Variants in SAMHD1 observed in about 807,000 individuals in gnomAD.
SAMHD1 encodes the protein SAM and HD domain containing deoxynucleoside triphosphate triphosphohydrolase 1.
A neutral mutation model predicts 79.6 loss-of-function variants in SAMHD1; 54 were observed. The ratio of observed to expected loss-of-function variants is 0.68; its 90% CI spans 0.55 to 0.85. The LOEUF (loss-of-function observed/expected upper bound fraction) is 0.85. SAMHD1 is among the 40% of genes least tolerant of loss of function. The pLI is 0.00. For synonymous variants in SAMHD1, 260 were observed against 264.1 expected (o/e 0.98, Z 0.15); for missense variants, 663 against 782.7 (o/e 0.85, Z 1.82).
intron 7 of SAMHD1, 80 bp downstream of exon 7, chr20:36,919,284 A>G: frequency 7.2e-7 from 1 of 1,381,386 alleles, no homozygotes; most frequent in Non-Finnish European, 1.0e-6. Context: ...AAAATAGCCA[A>G]ATGTATAACT....
chr20:36,947,108 A>G (rs1478227215), intron 1 of SAMHD1: 4 of 310,212 alleles, frequency 1.3e-5, no homozygotes, highest in Non-Finnish European at 2.5e-5. Flanking sequence ...GGGTTTTGCC[A>G]GGTCAGCAGC....
rs114016687 is a variant in SAMHD1, at chr20:36,926,940, A to C, written c.696+242T>G. Reference sequence around the variant, plus strand: ...ACGGCTTTGTGATTTTTGATGCATCAATACACATCCAAGAGTTTCAAGTTC... The same window carrying C: ...ACGGCTTTGTGATTTTTGATGCATCCATACACATCCAAGAGTTTCAAGTTC... On this transcript the variant is annotated intron_variant, in intron 6 of 15. Coordinates refer to ENST00000646673, the MANE Select transcript of SAMHD1 (RefSeq NM_015474.4). 1.4e-3 allele frequency: 655 copies of C among 463,586 alleles called. 4 individuals carry two copies. Among genetic ancestry groups the C allele is most frequent in the African/African-American group, 0.012 (621 of 50,826 alleles). 28.7% of individuals were successfully genotyped at this position (463,586 alleles called of 1,614,324 possible).
chr20:36,897,652 C>T, intron 15 of SAMHD1, 170 bp downstream of exon 15: 1 of 732,666 alleles, frequency 1.4e-6, no homozygotes, highest in East Asian at 2.7e-5. Flanking sequence ...AAATCACTGG[C>T]TGACACAGAT....
At chr20:36,938,558 C>T (rs1324960143) in intron 3 of SAMHD1, among the ~76,000 whole-genome samples, 1 of 148,822 alleles carries the variant, frequency 6.7e-6, no homozygotes, top group African/African-American at 2.5e-5. Context: ...AAAACAGGGA[C>T]AGGCACGGTG....
intron 6 of SAMHD1, chr20:36,926,954 A>C (rs1163794447): frequency 1.4e-5 from 7 of 494,406 alleles, no homozygotes; most frequent in Non-Finnish European, 1.4e-5. Context: ...CACATCCAAG[A>C]GTTTCAAGTT....
intron 7 of SAMHD1, among the ~76,000 whole-genome samples, chr20:36,917,463 C>A (rs933061901): frequency 6.6e-6 from 1 of 152,036 alleles, no homozygotes; most frequent in Non-Finnish European, 1.5e-5. Flanking sequence ...ACCAGCTTGG[C>A]CAAGATGGTG....
chr20:36,898,645 A>G (rs1990243341), intron 13 of SAMHD1, 101 bp from the exon 14 acceptor site: 2 of 880,054 alleles, frequency 2.3e-6, no homozygotes, highest in Admixed American at 1.9e-5. Context: ...CGGGCGCAGT[A>G]GCTCATGCCT....
rs141438139 is a variant in SAMHD1, at chr20:36,922,855, T to C, written c.697-3336A>G. Among the ~76,000 whole-genome samples, 579 of 150,376 alleles carry C rather than the reference T, an allele frequency of 3.9e-3. 6 individuals are homozygous for C. Among genetic ancestry groups the C allele is most frequent in the African/African-American group, 0.014 (559 of 40,814 alleles). On this transcript the variant is annotated intron_variant, in intron 6 of 15. Coordinates refer to ENST00000646673, the MANE Select transcript of SAMHD1 (RefSeq NM_015474.4). Reference sequence around the variant, plus strand: ...GTAGAGACGGGGTTTCACCATGTTGTCCAGGCTGGTCTTGAACTCCTGGGC... The same window carrying C: ...GTAGAGACGGGGTTTCACCATGTTGCCCAGGCTGGTCTTGAACTCCTGGGC...
intron 1 of SAMHD1, among the ~76,000 whole-genome samples, chr20:36,947,405 GGTGTGTGTGTGTGT>G (rs771698070): frequency 1.0e-4 from 3 of 29,130 alleles, no homozygotes; most frequent in African/African-American, 4.8e-4. Flanking sequence ...ATTTGGAAGA[GGTGTGTGTGTGTGT>G]GTGTGTGTGT....
At chr20:36,947,036 G>C (rs2063691071) in intron 1 of SAMHD1, 1 of 414,058 alleles carries the variant, frequency 2.4e-6, no homozygotes, top group Admixed American at 4.0e-5. Context: ...AAAATTATTT[G>C]TGTAAATTAG....
chr20:36,904,011 T>G, intron 13 of SAMHD1, 146 bp downstream of exon 13: 1 of 634,454 alleles, frequency 1.6e-6, no homozygotes, highest in Non-Finnish European at 2.8e-6. Flanking sequence ...GTTTTTGTGG[T>G]TAATAATATT....
intron 1 of SAMHD1, 25 bp from the exon 2 acceptor site, chr20:36,946,829 A>C (rs771529334): frequency 6.4e-7 from 1 of 1,562,078 alleles, no homozygotes; most frequent in Non-Finnish European, 8.8e-7. Flanking sequence ...AGACAAATTC[A>C]ATGTATACAA....
chr20:36,919,259 TA>T, intron 7 of SAMHD1, 104 bp downstream of exon 7: 7 of 1,063,412 alleles, frequency 6.6e-6, no homozygotes, highest in Non-Finnish European at 9.9e-6. Context: ...ACTCATATTT[TA>T]TCATTTAGCC....
At chr20:36,939,914 G>A (rs576586525) in intron 3 of SAMHD1, among the ~76,000 whole-genome samples, 2 of 152,208 alleles carry the variant, frequency 1.3e-5, no homozygotes, top group African/African-American at 4.8e-5. Flanking sequence ...TGTGAAAAAT[G>A]CACATTCTGG....
intron 6 of SAMHD1, among the ~76,000 whole-genome samples, chr20:36,924,311 G>A (rs1337371449): frequency 6.7e-6 from 1 of 149,880 alleles, no homozygotes; most frequent in African/African-American, 2.5e-5. Flanking sequence ...GGAAAGAAGG[G>A]AAGGAAGGGA....
intron 3 of SAMHD1, among the ~76,000 whole-genome samples, chr20:36,939,738 G>A (rs1023950700): frequency 7.9e-5 from 12 of 151,928 alleles, no homozygotes; most frequent in African/African-American, 2.4e-4. Context: ...AATGATGATC[G>A]GGCAAAAAAG....
chr20:36,903,119 G>A (rs2063384308), intron 13 of SAMHD1, among the ~76,000 whole-genome samples: 1 of 152,198 alleles, frequency 6.6e-6, no homozygotes. Flanking sequence ...AGGGCCTGAT[G>A]AGCTAGGAAA....
At chr20:36,929,684 A>G (rs6093641) in intron 5 of SAMHD1, among the ~76,000 whole-genome samples, 136,118 of 152,142 alleles carry the variant, frequency 0.89, 61,114 homozygotes, top group East Asian at 0.97. Context: ...CTGCACTCCA[A>G]TCTGTGTGAC....
At chr20:36,906,846 C>T (rs1053051159) in intron 11 of SAMHD1, among the ~76,000 whole-genome samples, 6 of 150,922 alleles carry the variant, frequency 4.0e-5, no homozygotes, top group Admixed American at 6.6e-5. Context: ...AGTTGGAGTG[C>T]GGTGGCGTGA....
Sources: allele counts gnomAD v4.1 joint callset (sites outside exome capture counted in the v4.1 genomes callset), GRCh38; gene constraint gnomAD v4.1.1; transcripts MANE v1.5; gene names NCBI Gene and HGNC (gene_info 2026-07-23, HGNC 2026-07-21).